Variants in NRG3 observed in about 807,000 individuals in gnomAD.
NRG3 encodes pro-neuregulin-3, membrane-bound isoform.
A neutral mutation model predicts 66.9 loss-of-function variants in NRG3; 31 were observed. The observed-to-expected ratio is 0.46, with a 90% CI of 0.35 to 0.63. The LOEUF (loss-of-function observed/expected upper bound fraction) is 0.63. Among genes scored for constraint, NRG3 ranks in the 20% least tolerant of loss-of-function variants. The pLI is 0.00. For synonymous variants in NRG3, 393 were observed against 359.4 expected, an observed-to-expected ratio of 1.09 and a Z score of -1.06; for missense variants, 910 against 878.9, an observed-to-expected ratio of 1.04 and a Z score of -0.45.
chr10:82,196,523 C>T (rs991497329), intron 1 of NRG3, among the ~76,000 whole-genome samples: 11 of 152,140 alleles, frequency 7.2e-5, no homozygotes, highest in African/African-American at 2.4e-4. Flanking sequence ...TTTCTGAAGA[C>T]TCCATTTGCT....
At chr10:82,500,123 G>T (rs1160747570) in intron 2 of NRG3, among the ~76,000 whole-genome samples, 1 of 152,176 alleles carries the variant, frequency 6.6e-6, no homozygotes, top group Non-Finnish European at 1.5e-5. Context: ...GCATATGCTA[G>T]AACTTGGAGG....
At chr10:82,642,605 C>T (rs1217554754) in intron 2 of NRG3, among the ~76,000 whole-genome samples, 1 of 147,328 alleles carries the variant, frequency 6.8e-6, no homozygotes, top group African/African-American at 2.6e-5. Context: ...GGGAACTCTA[C>T]AAGGAGAAAA....
chr10:82,493,507 C>T (rs1843340629), intron 2 of NRG3, among the ~76,000 whole-genome samples: 1 of 152,134 alleles, frequency 6.6e-6, no homozygotes, highest in Non-Finnish European at 1.5e-5. Flanking sequence ...ATATGTACCA[C>T]ATTTTCTTTA....
At position 82,530,629 on chromosome 10, in the gene NRG3, T is replaced by C. The variant is rs192486116; in HGVS notation, c.953+171761T>C. Among the ~76,000 whole-genome samples the C allele has an allele frequency of 1.2e-4, 19 of 152,030 alleles. No individual in the cohort carries two copies. The East Asian group carries it at 1.9e-3, about 15-fold the overall frequency. On this transcript the variant is annotated intron_variant, in intron 2 of 8. Coordinates refer to ENST00000372141, the MANE Select transcript of NRG3 (RefSeq NM_001010848.4). ...AATAAAATTATGCATTCCAAAGACATGCCTTCTTGAAGGTAGAGTTCCCAG... is the reference window on the plus strand; with the variant it reads ...AATAAAATTATGCATTCCAAAGACACGCCTTCTTGAAGGTAGAGTTCCCAG...
chr10:82,472,179 G>T (rs1412068426), intron 2 of NRG3, among the ~76,000 whole-genome samples: 1 of 152,158 alleles, frequency 6.6e-6, no homozygotes, highest in East Asian at 1.9e-4. Flanking sequence ...AGATTGGTCA[G>T]TCTTTGAAAA....
Position 82,982,134 on chromosome 10 carries a change from G to A in NRG3, c.1584-2964G>A, listed in dbSNP as rs147817679. Among the ~76,000 whole-genome samples, 10 of 152,190 alleles carry A rather than the reference G, an allele frequency of 6.6e-5. No homozygotes were observed. The East Asian group carries it at 7.7e-4, about 12-fold the overall frequency. On this transcript the variant is annotated intron_variant, in intron 8 of 8. Transcript: ENST00000372141. ...CATTTATGGCTGATGATTTGTAAAC[G>A]GAATATCTAATTTTATGGCTTCAGA...
At chr10:82,463,155 C>T (rs566709235) in intron 2 of NRG3, among the ~76,000 whole-genome samples, 5 of 152,322 alleles carry the variant, frequency 3.3e-5, no homozygotes, top group Admixed American at 2.6e-4. Context: ...CCTCTGAGCA[C>T]TTTTTGCTCC....
chr10:82,285,273 G>A (rs748923818), intron 1 of NRG3, among the ~76,000 whole-genome samples: 2 of 152,044 alleles, frequency 1.3e-5, no homozygotes, highest in Admixed American at 6.6e-5. Flanking sequence ...GTGGAGACTC[G>A]GTTTACCAAG....
intron 2 of NRG3, among the ~76,000 whole-genome samples, chr10:82,700,395 A>G (rs2055770846): frequency 6.6e-6 from 1 of 152,210 alleles, no homozygotes; most frequent in Non-Finnish European, 1.5e-5. Flanking sequence ...AAGAATTTCC[A>G]TCTTTCCCCA....
At chr10:82,231,065 A>T (rs1227451031) in intron 1 of NRG3, among the ~76,000 whole-genome samples, 1 of 152,194 alleles carries the variant, frequency 6.6e-6, no homozygotes, top group Non-Finnish European at 1.5e-5. Context: ...TATATTGGCC[A>T]GGCACAGTGG....
intron 1 of NRG3, among the ~76,000 whole-genome samples, chr10:82,216,333 A>G (rs2075674416): frequency 6.6e-6 from 1 of 151,838 alleles, no homozygotes; most frequent in Non-Finnish European, 1.5e-5. Flanking sequence ...AGAACTAAGG[A>G]AAAGGAGCAC....
chr10:82,681,869 A>G (rs561270774), intron 2 of NRG3, among the ~76,000 whole-genome samples: 45 of 152,306 alleles, frequency 3.0e-4, no homozygotes, highest in African/African-American at 1.1e-3. Context: ...TTGTTTTTAT[A>G]TCTTCTAATA....
chr10:82,124,282 A>G (rs557627571), intron 1 of NRG3, among the ~76,000 whole-genome samples: 21 of 151,928 alleles, frequency 1.4e-4, no homozygotes, highest in African/African-American at 4.8e-4. Flanking sequence ...ACTCTTTGGG[A>G]CTCTTCATCC....
At chr10:82,296,103 C>T (rs553538590) in intron 1 of NRG3, among the ~76,000 whole-genome samples, 1 of 152,136 alleles carries the variant, frequency 6.6e-6, no homozygotes, top group African/African-American at 2.4e-5. Context: ...ATGAGTAACT[C>T]GGTAAAAGGT....
At chr10:82,639,996 C>T (rs1245170883) in intron 2 of NRG3, among the ~76,000 whole-genome samples, 1 of 152,066 alleles carries the variant, frequency 6.6e-6, no homozygotes, top group East Asian at 1.9e-4. Context: ...CATTTAGCTC[C>T]CACTTATAAG....
At chr10:82,344,513 G>T (rs549926011) in intron 1 of NRG3, among the ~76,000 whole-genome samples, 2 of 146,592 alleles carry the variant, frequency 1.4e-5, no homozygotes, top group African/African-American at 2.7e-5. Flanking sequence ...GAATAATGCC[G>T]CAATAAACAT....
chr10:82,115,236 A>G (rs1421140995), intron 1 of NRG3, among the ~76,000 whole-genome samples: 2 of 151,950 alleles, frequency 1.3e-5, no homozygotes, highest in Non-Finnish European at 1.5e-5. Context: ...CTTTCTTCCT[A>G]TTTACTGAGA....
intron 1 of NRG3, among the ~76,000 whole-genome samples, chr10:81,951,513 A>G (rs183490667): frequency 3.3e-5 from 5 of 152,278 alleles, no homozygotes; most frequent in Non-Finnish European, 5.9e-5. Context: ...AATGTGGCCA[A>G]CACCCCCACA....
At chr10:82,494,144 A>G (rs1266638631) in intron 2 of NRG3, among the ~76,000 whole-genome samples, 2 of 152,164 alleles carry the variant, frequency 1.3e-5, no homozygotes, top group African/African-American at 4.8e-5. Context: ...ATTGGAGGGA[A>G]TGTAAATTAG....
Sources: gnomAD v4.1 joint callset for allele counts (sites outside exome capture counted in the v4.1 genomes callset) on GRCh38, gnomAD v4.1.1 for gene constraint, MANE v1.5 for transcripts, NCBI Gene and HGNC (gene_info 2026-07-23, HGNC 2026-07-21) for gene names.